Variants in THSD7A observed in about 807,000 individuals in gnomAD.
The protein encoded by THSD7A is thrombospondin type 1 domain containing 7A, also known as thrombospondin type-1 domain-containing protein 7A.
Under a neutral mutation model 231.3 loss-of-function variants are expected in THSD7A, and 96 were observed. That is an observed-to-expected ratio of 0.41 (90% CI 0.35 to 0.49). The LOEUF (loss-of-function observed/expected upper bound fraction) is 0.49. THSD7A is among the 20% of genes least tolerant of loss of function. The pLI is 0.05. For missense variants in THSD7A, 2,290 were observed against 2,070.2 expected (o/e 1.11, Z -2.06); for synonymous variants, 940 against 743.3 (o/e 1.26, Z -4.30).
chr7:11,567,708 A>C (rs1172492652), intron 4 of THSD7A, among the ~76,000 whole-genome samples: 1 of 152,164 alleles, frequency 6.6e-6, no homozygotes, highest in Non-Finnish European at 1.5e-5. Context: ...GGGTAATTCC[A>C]GTGAAGAGAT....
chr7:11,712,184 A>G (rs1305154183), intron 1 of THSD7A, among the ~76,000 whole-genome samples: 1 of 151,062 alleles, frequency 6.6e-6, no homozygotes, highest in East Asian at 2.0e-4. Flanking sequence ...AATTTACCCA[A>G]AGAAAATGAT....
intron 4 of THSD7A, among the ~76,000 whole-genome samples, chr7:11,581,582 A>G (rs1431739871): frequency 6.6e-6 from 1 of 152,106 alleles, no homozygotes. Flanking sequence ...CAATTTTAGA[A>G]GTTGGCAATT....
intron 1 of THSD7A, among the ~76,000 whole-genome samples, chr7:11,761,362 T>C (rs1458614813): frequency 6.6e-6 from 1 of 152,106 alleles, no homozygotes; most frequent in Non-Finnish European, 1.5e-5. Flanking sequence ...CTGGTCAATA[T>C]ATAACATCTT....
At chr7:11,383,992 G>A (rs1288797060) in intron 23 of THSD7A, 3 of 151,942 alleles carry the variant, frequency 2.0e-5, no homozygotes, top group Non-Finnish European at 4.4e-5. Context: ...GAATCCAGCT[G>A]TCTTAAGTTA....
intron 1 of THSD7A, among the ~76,000 whole-genome samples, chr7:11,785,872 T>G (rs1161465538): frequency 6.6e-6 from 1 of 152,118 alleles, no homozygotes; most frequent in Non-Finnish European, 1.5e-5. Context: ...AAACATCAAA[T>G]GTGCTCTTAG....
intron 11 of THSD7A, among the ~76,000 whole-genome samples, chr7:11,457,896 G>C (rs1785362343): frequency 6.6e-6 from 1 of 152,016 alleles, no homozygotes. Flanking sequence ...CAGCTCTTCA[G>C]CTTCAAATGA....
Position 11,543,094 on chromosome 7 carries a change from A to C in THSD7A, c.1477T>G (p.Leu493Val), listed in dbSNP as rs1789222874. ...KEASKPMDLK[L>V]CTGPIPNTTQ... The stretch of plus-strand genomic sequence containing the variant: ...GTATTAGGGATAGGTCCAGTGCATA[A>C]TTTTAAGTCCATTGGCTTTGAGGCT... Residue 493 changes from leucine (L) to valine (V), a missense_variant, in exon 5 of 28, where the codon TTA (leucine) becomes GTA (valine). Transcript: ENST00000423059. The C allele has an allele frequency of 6.2e-6, 10 of 1,612,298 alleles. No individual in the cohort carries two copies. The highest frequency in any genetic ancestry group is 8.5e-6 in the Non-Finnish European group (10 of 1,179,306).
rs531873917 is a variant in THSD7A, at chr7:11,646,887, C to T, written c.191-9926G>A. On this transcript the variant is annotated intron_variant, in intron 1 of 27. Coordinates refer to ENST00000423059, the MANE Select transcript of THSD7A (RefSeq NM_015204.3). ...GTAATTCCATGGAGCAGGGCTAAGG[C>T]ACAAAAGAATAAGAGAAGGAGAAAT... is the stretch of plus-strand genomic sequence containing the variant. Among the ~76,000 whole-genome samples, 240 of 152,058 alleles carry T rather than the reference C, an allele frequency of 1.6e-3. 2 individuals are homozygous for T. The South Asian group carries it at 0.026, about 16-fold the overall frequency.
chr7:11,788,419 T>C (rs1783853839), intron 1 of THSD7A, among the ~76,000 whole-genome samples: 1 of 152,064 alleles, frequency 6.6e-6, no homozygotes. Context: ...TGAGGTATTC[T>C]CTGAGCATTT....
At chr7:11,658,879 A>G (rs1782810606) in intron 1 of THSD7A, among the ~76,000 whole-genome samples, 1 of 151,706 alleles carries the variant, frequency 6.6e-6, no homozygotes, top group Admixed American at 6.6e-5. Flanking sequence ...GATGTACTGT[A>G]TCTTAAGATT....
chr7:11,705,635 G>T (rs1487064401), intron 1 of THSD7A, among the ~76,000 whole-genome samples: 3 of 150,968 alleles, frequency 2.0e-5, no homozygotes, highest in African/African-American at 7.3e-5. Flanking sequence ...GCAGTTTTTA[G>T]GTGTTACAAT....
chr7:11,501,400 T>A (rs897750730), intron 6 of THSD7A, among the ~76,000 whole-genome samples: 1 of 152,068 alleles, frequency 6.6e-6, no homozygotes, highest in Non-Finnish European at 1.5e-5. Flanking sequence ...CCTCAACAAA[T>A]GTAAAGGAAC....
chr7:11,530,584 A>G (rs1788663149), intron 6 of THSD7A, among the ~76,000 whole-genome samples: 1 of 152,176 alleles, frequency 6.6e-6, no homozygotes, highest in Non-Finnish European at 1.5e-5. Flanking sequence ...TATATTCCAA[A>G]TTCCATAAAA....
chr7:11,488,449 A>G (rs1222959035), intron 6 of THSD7A, among the ~76,000 whole-genome samples: 1 of 152,108 alleles, frequency 6.6e-6, no homozygotes, highest in African/African-American at 2.4e-5. Flanking sequence ...AGCTTACTGA[A>G]GAAGACCCAT....
Position 11,411,739 on chromosome 7 carries a change from T to A in THSD7A, c.3683-417A>T, listed in dbSNP as rs1364660408. Among the ~76,000 whole-genome samples, 1 of 152,214 alleles carries A rather than the reference T, an allele frequency of 6.6e-6. No individual in the cohort carries two copies. Among genetic ancestry groups the A allele is most frequent in the Non-Finnish European group, 1.5e-5 (1 of 68,022 alleles). ...TGTGTAGTTATATTCAGATAAAACA[T>A]ACATTTTATTTCTTATCCATATTTA... is the stretch of plus-strand genomic sequence containing the variant. On this transcript the variant is annotated intron_variant, in intron 18 of 27. Coordinates refer to ENST00000423059, the MANE Select transcript of THSD7A (RefSeq NM_015204.3). The surrounding 1 kb of genome is among the most constrained non-coding windows in gnomAD (Gnocchi z 4.1).
At position 11,374,508 on chromosome 7, in the gene THSD7A, A is replaced by G. The variant is rs561997624; in HGVS notation, c.*1286T>C. The stretch of plus-strand genomic sequence containing the variant: ...CAGACATTCAATCTGAAACTGGGAA[A>G]TCAGAGAGAAAGAAAAATCAACATA... On this transcript the variant is annotated 3_prime_UTR_variant, in exon 28 of 28. Transcript: ENST00000423059. 6.6e-6 allele frequency: 1 copy of G among 152,260 alleles called. No individual in the cohort carries two copies. The highest frequency in any genetic ancestry group is 1.9e-4 in the East Asian group (1 of 5,182). The allele number at this position is 152,260 out of a possible 1,614,324, so 9.4% of individuals were successfully genotyped here.
chr7:11,708,551 T>C (rs912285489), intron 1 of THSD7A, among the ~76,000 whole-genome samples: 3 of 150,764 alleles, frequency 2.0e-5, no homozygotes, highest in Non-Finnish European at 3.0e-5. Context: ...AATAAATCAC[T>C]TAATCTTTCA....
intron 17 of THSD7A, among the ~76,000 whole-genome samples, chr7:11,415,151 T>C (rs1356930213): frequency 1.3e-5 from 2 of 152,232 alleles, no homozygotes; most frequent in African/African-American, 4.8e-5. Context: ...GTTCAAATCA[T>C]GTTCAAATAT....
chr7:11,629,633 G>C (rs1219995113), intron 2 of THSD7A, among the ~76,000 whole-genome samples: 2 of 152,094 alleles, frequency 1.3e-5, no homozygotes, highest in Non-Finnish European at 2.9e-5. Flanking sequence ...GTGGGGATGG[G>C]CCCTCAGGAA....
Sources: allele counts gnomAD v4.1 joint callset (sites outside exome capture counted in the v4.1 genomes callset), GRCh38; gene constraint gnomAD v4.1.1; non-coding constraint Gnocchi (gnomAD v3.1); transcripts MANE v1.5; gene names NCBI Gene and HGNC (gene_info 2026-07-23, HGNC 2026-07-21).